The following TBC1D8 variants were observed in gnomAD, a reference collection of about 807,000 sequenced individuals.
The protein encoded by TBC1D8 is BUB2-like protein 1.
In TBC1D8, 65 loss-of-function variants were observed where a neutral mutation model predicts 118.8. The observed-to-expected ratio is 0.55, with a 90% CI of 0.45 to 0.67. The LOEUF (loss-of-function observed/expected upper bound fraction) is 0.67, where lower values mean the gene tolerates loss of function less well. TBC1D8 is among the 30% of genes least tolerant of loss of function. TBC1D8 has a pLI of 0.00. For synonymous variants in TBC1D8, 566 were observed against 595.8 expected (o/e 0.95, Z 0.73); for missense variants, 1,376 against 1,471.2 (o/e 0.94, Z 1.06).
intron 17 of TBC1D8, among the ~76,000 whole-genome samples, chr2:101,017,111 T>A (rs890102931): frequency 2.6e-5 from 4 of 151,270 alleles, no homozygotes; most frequent in South Asian, 4.2e-4. Context: ...CACATTAGCC[T>A]AGGCCTACAC....
At chr2:101,143,538 G>A (rs1162064844) in intron 1 of TBC1D8, among the ~76,000 whole-genome samples, 1 of 152,116 alleles carries the variant, frequency 6.6e-6, no homozygotes, top group East Asian at 1.9e-4. Flanking sequence ...TTTACATCAA[G>A]GTTACCAATA....
At chr2:101,071,650 G>A (rs903060958) in intron 2 of TBC1D8, among the ~76,000 whole-genome samples, 1 of 152,088 alleles carries the variant, frequency 6.6e-6, no homozygotes, top group Admixed American at 6.6e-5. Context: ...AGAAAAGTGT[G>A]CCTGTGTTTT....
intron 1 of TBC1D8, among the ~76,000 whole-genome samples, chr2:101,141,827 A>G (rs1177440065): frequency 6.6e-6 from 1 of 151,058 alleles, no homozygotes; most frequent in Non-Finnish European, 1.5e-5. Flanking sequence ...ACACACACAT[A>G]CACAAGGCTC....
chr2:101,029,549 T>C lies in TBC1D8; in HGVS notation c.2164A>G (p.Asn722Asp). 6.2e-7 allele frequency: 1 copy of C among 1,613,994 alleles called. No homozygotes were observed. Reference protein sequence around the residue: ...FQLGLAVLEANAEDLCSSKDD... With the variant: ...FQLGLAVLEADAEDLCSSKDD... ...TTGCTGCTGCACAGGTCCTCAGCAT[T>C]GGCCTCAAGCACAGCCAGTCCCAGC... is the stretch of plus-strand genomic sequence containing the variant. Residue 722 changes from asparagine to aspartate, a missense_variant, in exon 12 of 20, where the codon AAT becomes GAT. Transcript: ENST00000409318.
chr2:101,149,257 C>A (rs1679447860), intron 1 of TBC1D8, among the ~76,000 whole-genome samples: 1 of 152,168 alleles, frequency 6.6e-6, no homozygotes, highest in African/African-American at 2.4e-5. Context: ...AATATGGGAC[C>A]TGCTTGATTT....
chr2:101,050,711 C>T, intron 4 of TBC1D8, 70 bp from the exon 5 acceptor site: 1 of 1,569,242 alleles, frequency 6.4e-7, no homozygotes, highest in African/African-American at 1.3e-5. Flanking sequence ...TGTCAGCAAG[C>T]AACTATCCAA....
At chr2:101,142,436 G>C (rs985698440) in intron 1 of TBC1D8, among the ~76,000 whole-genome samples, 3 of 152,082 alleles carry the variant, frequency 2.0e-5, no homozygotes, top group Non-Finnish European at 4.4e-5. Context: ...ATATTCTCTA[G>C]AGAAATGTAT....
chr2:101,050,792 G>A (rs928353424), intron 4 of TBC1D8, among the ~76,000 whole-genome samples, 151 bp from the exon 5 acceptor site: 4 of 152,178 alleles, frequency 2.6e-5, no homozygotes, highest in African/African-American at 9.7e-5. Flanking sequence ...AGGGATACAC[G>A]TGCAGGTTTG....
intron 5 of TBC1D8, among the ~76,000 whole-genome samples, chr2:101,049,415 A>G (rs1176612835): frequency 6.6e-6 from 1 of 152,078 alleles, no homozygotes; most frequent in Non-Finnish European, 1.5e-5. Flanking sequence ...GTTTTCTACA[A>G]ACTAATTTCC....
intron 1 of TBC1D8, among the ~76,000 whole-genome samples, chr2:101,104,463 C>T (rs1677066752): frequency 6.6e-6 from 1 of 152,188 alleles, no homozygotes; most frequent in South Asian, 2.1e-4. Context: ...TCAAGACTTG[C>T]TACAAAGTTA....
chr2:101,061,051 G>A (rs1007516827), intron 2 of TBC1D8, among the ~76,000 whole-genome samples: 3 of 151,982 alleles, frequency 2.0e-5, no homozygotes, highest in African/African-American at 7.3e-5. Flanking sequence ...AGCCAGTCAC[G>A]GTGGTGGGCC....
At position 101,021,121 on chromosome 2, in the gene TBC1D8, G is replaced by A. The variant is rs1350593660; in HGVS notation, c.2827+560C>T. On this transcript the variant is annotated intron_variant, in intron 17 of 19. Transcript: ENST00000409318. ...CAGAACCACAACCACAGCACTGGGGGGACAGAGCCCTCTGGGATTTCTGAT... is the reference window on the plus strand; with the variant it reads ...CAGAACCACAACCACAGCACTGGGGAGACAGAGCCCTCTGGGATTTCTGAT... Among the ~76,000 whole-genome samples the A allele has an allele frequency of 2.0e-5, 3 of 152,066 alleles. No homozygotes were observed. In the East Asian group the frequency reaches 5.8e-4, roughly 29 times the overall value.
At chr2:101,118,126 G>C (rs1216416181) in intron 1 of TBC1D8, among the ~76,000 whole-genome samples, 4 of 152,110 alleles carry the variant, frequency 2.6e-5, no homozygotes, top group African/African-American at 9.7e-5. Flanking sequence ...AACATGGGGA[G>C]GGGACTGCTT....
chr2:101,031,375 T>A (rs554672755), intron 11 of TBC1D8, among the ~76,000 whole-genome samples: 1 of 152,152 alleles, frequency 6.6e-6, no homozygotes, highest in African/African-American at 2.4e-5. Flanking sequence ...CCCCTCCTTA[T>A]TCCTAGAGGC....
chr2:101,013,085 T>C (rs989176730), intron 17 of TBC1D8, among the ~76,000 whole-genome samples: 1 of 152,124 alleles, frequency 6.6e-6, no homozygotes, highest in Non-Finnish European at 1.5e-5. Context: ...ATGGGAGCCA[T>C]AGAAAGGCAG....
Position 101,122,436 on chromosome 2 carries a change from T to C in TBC1D8, c.127+28691A>G, listed in dbSNP as rs1440835917. On this transcript the variant is annotated intron_variant, in intron 1 of 19. Transcript: ENST00000409318. ...AGCATGGATAATGCCAGGAAATCAA[T>C]ACAAAAAGGTTAACTGTGGGATTAT... 1.1e-4 allele frequency among the ~76,000 whole-genome samples: 11 copies of C among 96,628 alleles called. No individual in the cohort carries two copies. In the Admixed American group the frequency reaches 1.2e-3, roughly 10 times the overall value. The allele number at this position is 96,628 out of a possible 152,430, so 63.4% of individuals were successfully genotyped here.
intron 2 of TBC1D8, chr2:101,068,801 C>G (rs1683151587): frequency 5.1e-6 from 1 of 197,888 alleles, no homozygotes; most frequent in African/African-American, 2.4e-5. Flanking sequence ...GAGTTCGAGA[C>G]CAGCCTGGCC....
intron 1 of TBC1D8, among the ~76,000 whole-genome samples, chr2:101,093,368 C>A (rs1450561745): frequency 1.3e-5 from 2 of 152,130 alleles, no homozygotes; most frequent in African/African-American, 2.4e-5. Flanking sequence ...TACTTACATA[C>A]ACACACACAT....
At chr2:101,061,726 C>G (rs967149371) in intron 2 of TBC1D8, among the ~76,000 whole-genome samples, 1 of 152,204 alleles carries the variant, frequency 6.6e-6, no homozygotes, top group Non-Finnish European at 1.5e-5. Context: ...GCAGCCCACT[C>G]AGGTGTAGCA....
Sources: gnomAD v4.1 joint callset for allele counts (sites outside exome capture counted in the v4.1 genomes callset) on GRCh38, gnomAD v4.1.1 for gene constraint, MANE v1.5 for transcripts, NCBI Gene and HGNC (gene_info 2026-07-23, HGNC 2026-07-21) for gene names.